The following NRG3 variants were observed in gnomAD, a reference collection of about 807,000 sequenced individuals.
The protein encoded by NRG3 is neuregulin 3.
NRG3 carries 31 observed loss-of-function variants against 66.9 expected under a neutral mutation model. The ratio of observed to expected loss-of-function variants is 0.46; its 90% CI spans 0.35 to 0.63. NRG3 has a LOEUF of 0.63. NRG3 is among the 20% of genes least tolerant of loss of function. The pLI is 0.00. For missense variants in NRG3, 910 were observed against 878.9 expected (o/e 1.04, Z -0.45); for synonymous variants, 393 against 359.4 (o/e 1.09, Z -1.06).
chr10:82,941,202 T>C (rs1848550218), intron 4 of NRG3, among the ~76,000 whole-genome samples: 1 of 152,064 alleles, frequency 6.6e-6, no homozygotes, highest in Non-Finnish European at 1.5e-5. Flanking sequence ...GATATTCTTA[T>C]TATATGCCCA....
chr10:82,857,446 A>G (rs2063869031), intron 3 of NRG3, among the ~76,000 whole-genome samples: 1 of 152,154 alleles, frequency 6.6e-6, no homozygotes, highest in African/African-American at 2.4e-5. Flanking sequence ...TGTGAGGCTG[A>G]CCATGGTAAT....
At chr10:82,092,313 T>C (rs1421483415) in intron 1 of NRG3, among the ~76,000 whole-genome samples, 1 of 152,164 alleles carries the variant, frequency 6.6e-6, no homozygotes, top group African/African-American at 2.4e-5. Context: ...TGTTGTCTAA[T>C]GCGTGGCTTG....
intron 1 of NRG3, among the ~76,000 whole-genome samples, chr10:82,278,106 G>A (rs975858320): frequency 2.0e-5 from 3 of 152,140 alleles, no homozygotes; most frequent in Non-Finnish European, 2.9e-5. Flanking sequence ...ATTGATGAAC[G>A]TTTTGGGGAT....
intron 7 of NRG3, among the ~76,000 whole-genome samples, chr10:82,977,776 T>G (rs1446890676): frequency 6.6e-6 from 1 of 152,102 alleles, no homozygotes; most frequent in Non-Finnish European, 1.5e-5. Flanking sequence ...TACCAGATTT[T>G]CAAACTCTAA....
intron 1 of NRG3, among the ~76,000 whole-genome samples, chr10:82,065,271 A>G (rs1189777275): frequency 6.6e-6 from 1 of 152,168 alleles, no homozygotes; most frequent in Admixed American, 6.5e-5. Context: ...TAGAATAAAA[A>G]CACATAGACA....
At chr10:82,146,418 C>A (rs1215756151) in intron 1 of NRG3, among the ~76,000 whole-genome samples, 1 of 152,024 alleles carries the variant, frequency 6.6e-6, no homozygotes, top group Non-Finnish European at 1.5e-5. Flanking sequence ...AGTAAGCAAG[C>A]CAGTGAGCAT....
At chr10:81,878,010 G>T (rs373893309) in intron 1 of NRG3, 10 of 1,537,568 alleles carry the variant, frequency 6.5e-6, no homozygotes, top group Non-Finnish European at 8.7e-6. Context: ...AGAGGAGGGG[G>T]ACTACACACG....
chr10:82,963,480 A>G (rs1233338112), intron 6 of NRG3, among the ~76,000 whole-genome samples: 1 of 152,144 alleles, frequency 6.6e-6, no homozygotes, highest in African/African-American at 2.4e-5. Context: ...GGAGATCGAG[A>G]CAATCCTGGC....
At chr10:82,788,544 T>C (rs1591529134) in intron 3 of NRG3, among the ~76,000 whole-genome samples, 1 of 152,228 alleles carries the variant, frequency 6.6e-6, no homozygotes, top group South Asian at 2.1e-4. Flanking sequence ...CATGCCAGCC[T>C]GGGTGACAGA....
At chr10:82,703,991 A>G (rs1161368287) in intron 2 of NRG3, among the ~76,000 whole-genome samples, 6 of 152,152 alleles carry the variant, frequency 3.9e-5, no homozygotes, top group Non-Finnish European at 1.5e-5. Context: ...ACGAATGCCA[A>G]GACTTTGTGC....
intron 2 of NRG3, among the ~76,000 whole-genome samples, chr10:82,414,142 C>T (rs887285329): frequency 2.6e-5 from 4 of 152,146 alleles, no homozygotes; most frequent in African/African-American, 9.7e-5. Flanking sequence ...ATGCCTCCCT[C>T]ACTAAGCTTA....
rs191041062 is a variant in NRG3 at position 82,055,809 on chromosome 10, G to A, written c.823+179646G>A. On this transcript the variant is annotated intron_variant, in intron 1 of 8. Transcript: ENST00000372141. ...ATGTCGATGAGAAGGGCTGGAACAG[G>A]CACTCTAGTGAAGGGACTGGAGATA... Among the ~76,000 whole-genome samples, 6 of 152,252 alleles carry A rather than the reference G, an allele frequency of 3.9e-5. No homozygotes were observed. The East Asian group carries it at 1.2e-3, about 29-fold the overall frequency.
chr10:82,594,778 T>G (rs2133341945), intron 2 of NRG3, among the ~76,000 whole-genome samples: 1 of 151,726 alleles, frequency 6.6e-6, no homozygotes, highest in East Asian at 1.9e-4. Context: ...CCTCAGAAAT[T>G]TTTTTTTAGA....
chr10:82,913,759 A>G (rs888915971), intron 4 of NRG3, among the ~76,000 whole-genome samples: 1 of 152,184 alleles, frequency 6.6e-6, no homozygotes, highest in African/African-American at 2.4e-5. Context: ...GATTTTGTGC[A>G]GATTTAACAT....
chr10:81,898,196 G>A (rs1294624170), intron 1 of NRG3, among the ~76,000 whole-genome samples: 1 of 152,150 alleles, frequency 6.6e-6, no homozygotes. Flanking sequence ...CTTTGGAGAA[G>A]AAAAAGGAAG....
chr10:82,064,165 A>T (rs960383820), intron 1 of NRG3, among the ~76,000 whole-genome samples: 4 of 152,180 alleles, frequency 2.6e-5, no homozygotes, highest in African/African-American at 9.7e-5. Flanking sequence ...TTAAGGAAAG[A>T]TCATTAGACC....
chr10:82,781,418 C>A (rs186178347), intron 3 of NRG3, among the ~76,000 whole-genome samples: 233 of 152,270 alleles, frequency 1.5e-3, no homozygotes, highest in Non-Finnish European at 2.3e-3. Context: ...CTACATGTAA[C>A]AGAAACCACA....
chr10:82,029,331 TAA>T, intron 1 of NRG3, among the ~76,000 whole-genome samples: 1 of 152,252 alleles, frequency 6.6e-6, no homozygotes, highest in South Asian at 2.1e-4. Flanking sequence ...AAAATAGACA[TAA>T]ATATGCCAGT....
intron 1 of NRG3, among the ~76,000 whole-genome samples, chr10:81,912,396 AT>A: frequency 6.6e-6 from 1 of 152,112 alleles, no homozygotes; most frequent in African/African-American, 2.4e-5. Context: ...AGATTTTTAA[AT>A]TTTTTGTAGA....
Sources: allele counts gnomAD v4.1 joint callset (sites outside exome capture counted in the v4.1 genomes callset), GRCh38; gene constraint gnomAD v4.1.1; transcripts MANE v1.5; gene names NCBI Gene and HGNC (gene_info 2026-07-23, HGNC 2026-07-21).